The following IFT140 variants were observed in gnomAD, a reference collection of about 807,000 sequenced individuals.
IFT140 encodes intraflagellar transport 140.
In IFT140, 133 loss-of-function variants were observed where a neutral mutation model predicts 164.6. The ratio of observed to expected loss-of-function variants is 0.81; its 90% confidence interval spans 0.70 to 0.93. The LOEUF (loss-of-function observed/expected upper bound fraction) is 0.93. Among genes scored for constraint, IFT140 ranks in the 40% least tolerant of loss-of-function variants. The pLI is 0.00. For synonymous variants in IFT140, 860 were observed against 817.3 expected (o/e 1.05, Z -0.89); for missense variants, 2,045 against 1,972.3 (o/e 1.04, Z -0.70).
Position 1,592,480 on chromosome 16 carries a change from G to A in IFT140, c.478C>T (p.Pro160Ser), listed in dbSNP as rs1319870673. The A allele has an allele frequency of 6.2e-7, 1 of 1,614,212 alleles. No homozygotes were observed. The highest frequency in any genetic ancestry group is 1.7e-5 in the Admixed American group (1 of 60,028). The change falls in exon 5 of 31, where the codon CCC (proline) becomes TCC (serine). Residue 160 changes from proline (P) to serine (S), a missense_variant. Transcript: ENST00000426508. ...CCCCACACTTACTCGCCAGGAGGGG[G>A]GAGCCGGAAGATGCAGTGCGTGAGG... The part of the protein sequence containing the change: ...KHLTHCIFRL[P>S]PPGEDLVQLA...
intron 19 of IFT140, among the ~76,000 whole-genome samples, chr16:1,557,276 C>G (rs899023754): frequency 1.3e-5 from 2 of 152,166 alleles, no homozygotes; most frequent in Admixed American, 1.3e-4. Flanking sequence ...GTGTGGAAGG[C>G]CCGGCAGGGG....
chr16:1,544,477 G>A (rs536111861), intron 19 of IFT140, among the ~76,000 whole-genome samples: 9 of 148,738 alleles, frequency 6.1e-5, no homozygotes, highest in African/African-American at 1.7e-4. Flanking sequence ...GAGCCACCGC[G>A]CCTGGCCACG....
chr16:1,538,890 T>C (rs564041674), intron 19 of IFT140, among the ~76,000 whole-genome samples: 1 of 152,268 alleles, frequency 6.6e-6, no homozygotes, highest in East Asian at 1.9e-4. Context: ...GCCAGGGCAG[T>C]GTCTGCCTCA....
At chr16:1,513,799 A>C (rs73497522) in intron 30 of IFT140, among the ~76,000 whole-genome samples, 4 of 147,492 alleles carry the variant, frequency 2.7e-5, no homozygotes, top group African/African-American at 7.6e-5. Flanking sequence ...TCAGCCTCCC[A>C]AGTAGCTGGG....
chr16:1,596,577 A>T (rs1192127873), intron 4 of IFT140, among the ~76,000 whole-genome samples: 1 of 152,174 alleles, frequency 6.6e-6, no homozygotes, highest in East Asian at 1.9e-4. Context: ...GGAGGATGAA[A>T]GCAAACCCTC....
intron 10 of IFT140, among the ~76,000 whole-genome samples, chr16:1,585,773 T>C (rs979246171): frequency 5.5e-5 from 8 of 145,710 alleles, no homozygotes; most frequent in East Asian, 3.9e-4. Context: ...TTTCTTTTTT[T>C]TTTTTTTTTT....
At chr16:1,587,626 C>T (rs532178281) in intron 8 of IFT140, among the ~76,000 whole-genome samples, 2 of 152,296 alleles carry the variant, frequency 1.3e-5, no homozygotes, top group Non-Finnish European at 2.9e-5. Context: ...GAGACCACAA[C>T]GACTGATTCT....
chr16:1,557,345 C>T (rs889785175), intron 19 of IFT140, among the ~76,000 whole-genome samples: 3 of 152,222 alleles, frequency 2.0e-5, no homozygotes, highest in African/African-American at 7.2e-5. Context: ...GTCCTGCACC[C>T]TCTCGGACAC....
intron 29 of IFT140, among the ~76,000 whole-genome samples, chr16:1,519,185 G>A (rs117190102): frequency 0.029 from 4,358 of 152,306 alleles, 83 homozygotes; most frequent in Non-Finnish European, 0.043. Context: ...GCCCTTCCAA[G>A]GGGCACCGCT....
chr16:1,548,350 C>T (rs1301394685), intron 19 of IFT140, among the ~76,000 whole-genome samples: 2 of 152,180 alleles, frequency 1.3e-5, no homozygotes, highest in Non-Finnish European at 2.9e-5. Context: ...AAAAGGAAGG[C>T]CTGTGACAGA....
At chr16:1,540,961 C>T (rs1416690008) in intron 19 of IFT140, 1 of 985,324 alleles carries the variant, frequency 1.0e-6, no homozygotes, top group Non-Finnish European at 1.2e-6. Flanking sequence ...GGCCTGGGAA[C>T]ACACTGCTTC....
At position 1,520,275 on chromosome 16, in the gene IFT140, C is replaced by T; in HGVS notation, c.3729G>A (p.Gln1243=). ...TAGCAGCCATGATGTAGATTTCCTT[C>T]TGCCTGGACACGCTCGCGAAGAACG... is the stretch of plus-strand genomic sequence containing the variant. ...KITFFASVSR[Q]KEIYIMAANY... is the part of the protein sequence containing the mutation. Residue 1243 remains glutamine, a synonymous_variant, in exon 28 of 31, where the codon CAG becomes CAA. Coordinates refer to ENST00000426508, the MANE Select transcript of IFT140 (RefSeq NM_014714.4). 2 of 1,614,214 alleles carry T rather than the reference C, an allele frequency of 1.2e-6. No individual in the cohort carries two copies. Among genetic ancestry groups the T allele is most frequent in the Non-Finnish European group, 1.7e-6 (2 of 1,180,056 alleles).
At chr16:1,549,999 C>T (rs1225398336) in intron 19 of IFT140, among the ~76,000 whole-genome samples, 2 of 151,984 alleles carry the variant, frequency 1.3e-5, no homozygotes, top group Non-Finnish European at 2.9e-5. Context: ...TTTTGTCGCC[C>T]AGGCTGAGTG....
chr16:1,517,959 T>C (rs1420789026), intron 30 of IFT140: 11 of 322,320 alleles, frequency 3.4e-5, no homozygotes, highest in African/African-American at 2.4e-4. Context: ...CACCTCAGCC[T>C]CCCAAGCAGC....
chr16:1,572,843 A>G, intron 13 of IFT140, among the ~76,000 whole-genome samples: 1 of 152,334 alleles, frequency 6.6e-6, no homozygotes, highest in South Asian at 2.1e-4. Flanking sequence ...GGGGAGGAGC[A>G]TCACAAGTGA....
At chr16:1,565,443 G>C (rs748662768) in intron 16 of IFT140, among the ~76,000 whole-genome samples, 1 of 152,126 alleles carries the variant, frequency 6.6e-6, no homozygotes. Context: ...GTGTGGGAGA[G>C]GCAGGGGGAA....
rs1232855396 is a variant in IFT140 at position 1,545,101 on chromosome 16, C to T, written c.2399+12834G>A. On this transcript the variant is annotated intron_variant, in intron 19 of 30. Coordinates refer to ENST00000426508, the MANE Select transcript of IFT140 (RefSeq NM_014714.4). ...TTTCTAAATGTATTTTAAAAAATCA[C>T]ACATGGGGGCGAGCACCCTGATGGA... Among the ~76,000 whole-genome samples the T allele has an allele frequency of 3.3e-5, 5 of 152,388 alleles. No homozygotes were observed. In the East Asian group the frequency reaches 9.6e-4, roughly 29 times the overall value.
intron 19 of IFT140, among the ~76,000 whole-genome samples, chr16:1,555,757 ACT>A (rs1323448043): frequency 4.6e-5 from 7 of 152,060 alleles, no homozygotes; most frequent in African/African-American, 1.7e-4. Context: ...GTCCTTACAG[ACT>A]CTCTGATCAA....
intron 21 of IFT140, 49 bp downstream of exon 21, chr16:1,525,838 C>T: frequency 6.8e-7 from 1 of 1,471,790 alleles, no homozygotes. Context: ...GCCTCACAAG[C>T]CAGGGCCATC....
Sources: gnomAD v4.1 joint callset for allele counts (sites outside exome capture counted in the v4.1 genomes callset) on GRCh38, gnomAD v4.1.1 for gene constraint, MANE v1.5 for transcripts, NCBI Gene and HGNC (gene_info 2026-07-23, HGNC 2026-07-21) for gene names.